NBEA: variants seen among roughly 807,000 people sequenced by gnomAD.
NBEA encodes the protein lysosomal-trafficking regulator 2.
NBEA carries 44 observed loss-of-function variants against 343.4 expected under a neutral mutation model. The observed-to-expected ratio is 0.13, with a 90% confidence interval of 0.10 to 0.16. The LOEUF is 0.16. Ranked by LOEUF, NBEA falls within the 10% of genes least tolerant of loss-of-function variation. The pLI, the probability that NBEA is intolerant of heterozygous loss-of-function variation, is 1.00. For synonymous variants in NBEA, 1,175 were observed against 1,238.7 expected, an observed-to-expected ratio of 0.95 and a Z score of 1.08; for missense variants, 2,555 against 3,631.3, an observed-to-expected ratio of 0.70 and a Z score of 7.62.
At chr13:35,645,629 A>C (rs1219816564) in intron 49 of NBEA, among the ~76,000 whole-genome samples, 2 of 152,158 alleles carry the variant, frequency 1.3e-5, no homozygotes, top group Non-Finnish European at 2.9e-5. Context: ...AATTTCAGGG[A>C]AAATTTTTGA....
At chr13:35,660,695 CT>C (rs2085049925) in intron 55 of NBEA, among the ~76,000 whole-genome samples, 1 of 152,186 alleles carries the variant, frequency 6.6e-6, no homozygotes, top group Non-Finnish European at 1.5e-5. Flanking sequence ...TTTAAAAAGA[CT>C]ATCCTGGTGC....
intron 39 of NBEA, among the ~76,000 whole-genome samples, chr13:35,447,905 A>T (rs1195627396): frequency 6.6e-6 from 1 of 152,202 alleles, no homozygotes; most frequent in Admixed American, 6.6e-5. Flanking sequence ...GACAGTGTTT[A>T]CAAGCCTTGT....
intron 45 of NBEA, among the ~76,000 whole-genome samples, chr13:35,570,431 G>A (rs1479292502): frequency 6.6e-6 from 1 of 152,176 alleles, no homozygotes; most frequent in African/African-American, 2.4e-5. Flanking sequence ...TTTATATAGT[G>A]TTAAGTAAAT....
chr13:35,335,479 A>T (rs564779520), intron 36 of NBEA, among the ~76,000 whole-genome samples: 2 of 151,528 alleles, frequency 1.3e-5, no homozygotes, highest in East Asian at 3.9e-4. Context: ...CCATGAACAC[A>T]GAATATCATT....
chr13:35,240,382 T>G (rs1345682004), intron 34 of NBEA, among the ~76,000 whole-genome samples: 2 of 151,842 alleles, frequency 1.3e-5, no homozygotes, highest in East Asian at 1.9e-4. Context: ...AGATCTAAGC[T>G]TCAATGGCTG....
chr13:35,375,504 G>A (rs934205561), intron 38 of NBEA, among the ~76,000 whole-genome samples: 1 of 151,924 alleles, frequency 6.6e-6, no homozygotes, highest in Non-Finnish European at 1.5e-5. Context: ...TTTTGACTCT[G>A]GTTTTTCCCC....
chr13:35,442,852 C>T (rs1356283153), intron 39 of NBEA, among the ~76,000 whole-genome samples: 1 of 152,080 alleles, frequency 6.6e-6, no homozygotes, highest in African/African-American at 2.4e-5. Context: ...ACCTCTTGCT[C>T]TAATAACCTT....
chr13:35,156,976 G>T, intron 20 of NBEA, 102 bp from the exon 21 acceptor site: 1 of 962,042 alleles, frequency 1.0e-6, no homozygotes, highest in Non-Finnish European at 1.5e-6. Flanking sequence ...GCTTTACTGA[G>T]GTCAGATCAT....
At position 35,196,136 on chromosome 13, in the gene NBEA, A is replaced by T; in HGVS notation, c.5200A>T (p.Ser1734Cys). Residue 1734 changes from serine (S) to cysteine (C), a missense_variant, in exon 31 of 59, where the codon AGC (serine) becomes TGC (cysteine). By Grantham distance (112) the Ser-to-Cys change is moderately radical. Coordinates refer to ENST00000379939, the MANE Select transcript of NBEA (RefSeq NM_001385012.1). ...ETLKPATSIS[S>C]ISQTKGINVK... ...GTTGAAGCCTGCAACATCCATATCT[A>T]GCATTAGTCAAACCAAAGGCATCAA... 2 of 1,613,732 alleles carry T rather than the reference A, an allele frequency of 1.2e-6. No individual in the cohort carries two copies. The highest frequency in any genetic ancestry group is 1.7e-6 in the Non-Finnish European group (2 of 1,179,760).
At chr13:35,219,189 C>CTGCCTTCCTGCCT (rs1555339384) in intron 33 of NBEA, among the ~76,000 whole-genome samples, 1 of 152,004 alleles carries the variant, frequency 6.6e-6, no homozygotes, top group Non-Finnish European at 1.5e-5. Flanking sequence ...GTCTGCCTTC[C>CTGCCTTCCTGCCT]TGCCTTCCTG....
intron 10 of NBEA, among the ~76,000 whole-genome samples, chr13:35,092,209 AC>A (rs1224012565): frequency 6.6e-6 from 1 of 152,002 alleles, no homozygotes; most frequent in Non-Finnish European, 1.5e-5. Context: ...CCTAAACCTC[AC>A]AATTTATATG....
chr13:35,355,340 C>G (rs1329347040), intron 38 of NBEA, among the ~76,000 whole-genome samples: 1 of 152,128 alleles, frequency 6.6e-6, no homozygotes, highest in East Asian at 1.9e-4. Context: ...ATGTAGATCC[C>G]TCTGCTCCTA....
At chr13:35,005,684 TATGGAA>T (rs2061294756) in intron 1 of NBEA, among the ~76,000 whole-genome samples, 1 of 152,154 alleles carries the variant, frequency 6.6e-6, no homozygotes, top group Non-Finnish European at 1.5e-5. Context: ...GTTATGATGG[TATGGAA>T]GCACCTAGCT....
chr13:35,462,579 G>A (rs560033833), intron 40 of NBEA, among the ~76,000 whole-genome samples: 3 of 152,226 alleles, frequency 2.0e-5, no homozygotes, highest in African/African-American at 7.2e-5. Flanking sequence ...TATCCTGAAG[G>A]CCACTGTGAG....
rs954654818 is a variant in NBEA, at chr13:35,311,318, A to AAT, written c.5903+1740_5903+1741dup. Among the ~76,000 whole-genome samples, 57 of 149,418 alleles carry AAT rather than the reference A, an allele frequency of 3.8e-4. No individual in the cohort carries two copies. The South Asian group carries it at 5.2e-3, about 14-fold the overall frequency. ...TATTTTGTTTCAACTGCGAAGTAAAAATATATATATATATAAAATTATTAT... is the reference window on the plus strand; with the variant it reads ...TATTTTGTTTCAACTGCGAAGTAAAAATATATATATATATATAAAATTATTAT... On this transcript the variant is annotated intron_variant, in intron 36 of 58. Transcript: ENST00000379939.
chr13:35,513,036 A>G (rs1449419233), intron 41 of NBEA, among the ~76,000 whole-genome samples: 2 of 152,140 alleles, frequency 1.3e-5, no homozygotes, highest in African/African-American at 4.8e-5. Context: ...AACTCTTGGC[A>G]TAAATTTATT....
chr13:34,945,571 T>A lies in NBEA; in HGVS notation c.294+2457T>A, dbSNP rs181644277. On this transcript the variant is annotated intron_variant, in intron 1 of 58. Transcript: ENST00000379939. ...TAATATTAAATCTAAAATGATTTTT[T>A]AAAATTTTCAGTTTTAGTTTAACAC... 8.9e-3 allele frequency among the ~76,000 whole-genome samples: 1,359 copies of A among 152,220 alleles called. 23 individuals are homozygous for A. The highest frequency in any genetic ancestry group is 0.031 in the African/African-American group (1,281 of 41,560).
intron 41 of NBEA, chr13:35,475,722 C>T (rs961766640): frequency 7.4e-6 from 12 of 1,613,852 alleles, no homozygotes; most frequent in Non-Finnish European, 8.5e-6. Context: ...ATTTGTCTAC[C>T]GCTTGAGCCA....
At chr13:35,349,976 A>G (rs2040097359) in intron 37 of NBEA, among the ~76,000 whole-genome samples, 1 of 152,150 alleles carries the variant, frequency 6.6e-6, no homozygotes, top group Non-Finnish European at 1.5e-5. Context: ...AAGAGGCACA[A>G]GACAAGCAGC....
Sources: allele counts gnomAD v4.1 joint callset (sites outside exome capture counted in the v4.1 genomes callset), GRCh38; gene constraint gnomAD v4.1.1; transcripts MANE v1.5; gene names NCBI Gene and HGNC (gene_info 2026-07-23, HGNC 2026-07-21).